The following SLC2A8 variants were observed in gnomAD, a reference collection of about 807,000 sequenced individuals.
SLC2A8 encodes the protein solute carrier family 2 member 8.
SLC2A8 carries 53 observed loss-of-function variants against 49.2 expected under a neutral mutation model. That is an observed-to-expected ratio of 1.08 (90% CI 0.86 to 1.35). The LOEUF (loss-of-function observed/expected upper bound fraction) is 1.35, where lower values mean the gene tolerates loss of function less well. Among genes scored for constraint, SLC2A8 ranks in the 40% most tolerant of loss-of-function variants. The probability of loss-of-function intolerance (pLI) is 0.00; values close to 1 mark genes in which losing one functional copy is unlikely to be tolerated. For missense variants in SLC2A8, 688 were observed against 671.7 expected, an observed-to-expected ratio of 1.02 and a Z score of -0.27; for synonymous variants, 299 against 297.0, an observed-to-expected ratio of 1.01 and a Z score of -0.07.
Position 127,402,666 on chromosome 9 carries a change from G to A in SLC2A8, c.636G>A (p.Gln212=). ...MPETPRFLLT[Q]HRRQEAMAAL... Reference sequence around the variant, plus strand: ...AGACCCCGCGCTTCCTGCTGACTCAGCACAGGCGCCAGGAGGCCATGGCCG... The same window carrying A: ...AGACCCCGCGCTTCCTGCTGACTCAACACAGGCGCCAGGAGGCCATGGCCG... Residue 212 remains glutamine (Q), a synonymous_variant, in exon 5 of 10, where the codon CAG becomes CAA. Coordinates refer to ENST00000373371, the MANE Select transcript of SLC2A8 (RefSeq NM_014580.5). The A allele has an allele frequency of 6.3e-7, 1 of 1,582,418 alleles. No individual in the cohort carries two copies. The highest frequency in any genetic ancestry group is 8.6e-7 in the Non-Finnish European group (1 of 1,165,732).
chr9:127,405,215 C>T (rs917747980), intron 8 of SLC2A8, among the ~76,000 whole-genome samples: 7 of 152,224 alleles, frequency 4.6e-5, no homozygotes, highest in Non-Finnish European at 1.0e-4. Flanking sequence ...CGTTGTGACC[C>T]CATCTCAGAG....
chr9:127,397,346 C>T, intron 1 of SLC2A8, 30 bp from the exon 2 acceptor site: 1 of 1,403,772 alleles, frequency 7.1e-7, no homozygotes, highest in Non-Finnish European at 9.2e-7. Flanking sequence ...TCCGCGTCCG[C>T]TCCGCTCACC....
rs767054400 is a variant in SLC2A8 at position 127,403,681 on chromosome 9, C to T, written c.745C>T (p.Arg249Trp). ...GCAGAGCTTTCACCTGGCCCTGCTG[C>T]GGCAGCCCGGCATCTACAAGCCCTT... ...AEQSFHLALL[R>W]QPGIYKPFII... The change falls in exon 6 of 10, where the codon CGG becomes TGG. Residue 249 changes from arginine to tryptophan, a missense_variant. Arg to Trp is a moderately radical substitution (Grantham distance 101). Coordinates refer to ENST00000373371, the MANE Select transcript of SLC2A8 (RefSeq NM_014580.5). 3.2e-5 allele frequency: 51 copies of T among 1,612,834 alleles called. No homozygotes were observed. Among genetic ancestry groups the T allele is most frequent in the Non-Finnish European group, 4.0e-5 (47 of 1,179,952 alleles).
At chr9:127,402,854 G>T (rs1244130493) in intron 5 of SLC2A8, 101 bp downstream of exon 5, 2 of 1,359,798 alleles carry the variant, frequency 1.5e-6, no homozygotes, top group South Asian at 3.1e-5. Context: ...TGGGGGACAG[G>T]GAGGTGCCTA....
chr9:127,405,081 A>G (rs964225366), intron 8 of SLC2A8, 90 bp downstream of exon 8: 2 of 1,374,586 alleles, frequency 1.5e-6, no homozygotes, highest in Non-Finnish European at 2.0e-6. Context: ...GGTCTTCCCC[A>G]GCCTCACCTC....
Position 127,399,984 on chromosome 9 carries a change from CA to C in SLC2A8, c.505del (p.Ile169SerfsTer42). The C allele has an allele frequency of 6.2e-7, 1 of 1,613,702 alleles. No individual in the cohort carries two copies. Among genetic ancestry groups the C allele is most frequent in the Non-Finnish European group, 8.5e-7 (1 of 1,179,734 alleles). Reference protein sequence around the residue: ...SCVQLMVVVGILLAYLAGWVL... With the variant: ...SCVQLMVVVGXLLAYLAGWVL... ...GTGTGCAGCTAATGGTCGTCGTCGG[CA>C]TCCTCCTGGCCTACCTGGCAGGTAT... On this transcript the variant is annotated frameshift_variant, in exon 4 of 10. Transcript: ENST00000373371. LOFTEE classifies it high-confidence loss of function. This position sits in a 1 kb window ranked among gnomAD's most constrained non-coding sequence, Gnocchi z 4.2.
Position 127,404,818 on chromosome 9 carries a change from G to A in SLC2A8, c.977G>A (p.Gly326Asp). 6.2e-7 allele frequency: 1 copy of A among 1,607,978 alleles called. No homozygotes were observed. The highest frequency in any genetic ancestry group is 8.5e-7 in the Non-Finnish European group (1 of 1,176,160). The change falls in exon 8 of 10, where the codon GGT (glycine) becomes GAT (aspartate). Residue 326 changes from glycine to aspartate, a missense_variant and splice_region_variant. Physicochemically the swap from Gly to Asp is moderately conservative, Grantham distance 94. Coordinates refer to ENST00000373371, the MANE Select transcript of SLC2A8 (RefSeq NM_014580.5). ...CCCACTGCCGCCCTCCCGCCTGCAG[G>A]TGTGGTCATGGTGTTCAGCACGAGT... ...AGRRLLLVLS[G>D]VVMVFSTSAF...
At chr9:127,406,183 C>A in intron 9 of SLC2A8, 1 of 443,142 alleles carries the variant, frequency 2.3e-6, no homozygotes, top group Non-Finnish European at 4.5e-6. Context: ...ATGTCCAGGC[C>A]CATTCAAGGC....
chr9:127,405,671 C>A, intron 9 of SLC2A8, 106 bp downstream of exon 9: 1 of 1,429,888 alleles, frequency 7.0e-7, no homozygotes, highest in Non-Finnish European at 9.5e-7. Context: ...TACATGCAGC[C>A]TGAGCCCCAC....
In SLC2A8 at chr9:127,397,906, C is replaced by T. The variant is rs1301926323; in HGVS notation, c.221C>T (p.Ala74Val). 2.6e-6 allele frequency: 4 copies of T among 1,518,568 alleles called. No individual in the cohort carries two copies. The highest frequency in any genetic ancestry group is 3.5e-6 in the Non-Finnish European group (4 of 1,139,874). 94.1% of individuals were successfully genotyped at this position (1,518,568 alleles called of 1,614,324 possible). Residue 74 changes from alanine to valine, a missense_variant and splice_region_variant, in exon 3 of 10, where the codon GCT (alanine) becomes GTT (valine). Ala to Val is a moderately conservative substitution (Grantham distance 64). Transcript: ENST00000373371. ...LDDAAASWFG[A>V]VVTLGAAAGG... ...TCCTCAGCAGCCGCCCGCCTCCAGGCTGTCGTGACCCTGGGTGCCGCGGCG... is the reference window on the plus strand; with the variant it reads ...TCCTCAGCAGCCGCCCGCCTCCAGGTTGTCGTGACCCTGGGTGCCGCGGCG...
chr9:127,405,107 C>T, intron 8 of SLC2A8, 116 bp downstream of exon 8: 1 of 1,177,444 alleles, frequency 8.5e-7, no homozygotes, highest in Non-Finnish European at 1.2e-6. Context: ...TCGTAAGTTC[C>T]AAGCTCTGCA....
intron 5 of SLC2A8, chr9:127,403,132 GC>G: frequency 3.9e-6 from 1 of 257,952 alleles, no homozygotes; most frequent in Non-Finnish European, 7.4e-6. Flanking sequence ...TGGGTTTGAA[GC>G]CCCCACGCTG....
In SLC2A8 at chr9:127,397,931, G is replaced by A. The variant is rs1268194381; in HGVS notation, c.246G>A (p.Ala82=). The change falls in exon 3 of 10, where the codon GCG becomes GCA. Residue 82 remains alanine (A), a synonymous_variant. Transcript: ENST00000373371. Reference sequence around the variant, plus strand: ...CTGTCGTGACCCTGGGTGCCGCGGCGGGGGGAGTGCTGGGCGGCTGGCTGG... The same window carrying A: ...CTGTCGTGACCCTGGGTGCCGCGGCAGGGGGAGTGCTGGGCGGCTGGCTGG... ...FGAVVTLGAA[A]GGVLGGWLVD... 2 of 1,530,244 alleles carry A rather than the reference G, an allele frequency of 1.3e-6. No individual in the cohort carries two copies. Among genetic ancestry groups the A allele is most frequent in the Non-Finnish European group, 1.7e-6 (2 of 1,144,842 alleles). The allele number at this position is 1,530,244 out of a possible 1,614,324, so 94.8% of individuals were successfully genotyped here.
Position 127,407,368 on chromosome 9 carries a change from C to A in SLC2A8, c.*119C>A. The A allele has an allele frequency of 7.7e-7, 1 of 1,301,166 alleles. No homozygotes were observed. The allele number at this position is 1,301,166 out of a possible 1,614,324, so 80.6% of individuals were successfully genotyped here. The stretch of plus-strand genomic sequence containing the variant: ...CCTTGGAGCCTTGGTCTGCAGGGTC[C>A]CTCCTTCCTGTCATGCTCCCTCCAG... On this transcript the variant is annotated 3_prime_UTR_variant, in exon 10 of 10. Coordinates refer to ENST00000373371, the MANE Select transcript of SLC2A8 (RefSeq NM_014580.5).
intron 4 of SLC2A8, among the ~76,000 whole-genome samples, chr9:127,401,131 G>A (rs1833271720): frequency 6.6e-6 from 1 of 152,298 alleles, no homozygotes; most frequent in African/African-American, 2.4e-5. Flanking sequence ...CTTCAAATCT[G>A]ACCATCCTGA....
chr9:127,397,495 C>A lies in SLC2A8; in HGVS notation c.176C>A (p.Pro59His). 6.9e-7 allele frequency: 1 copy of A among 1,452,784 alleles called. No individual in the cohort carries two copies. The allele number at this position is 1,452,784 out of a possible 1,614,324, so 90.0% of individuals were successfully genotyped here. A position where few individuals can be genotyped will look rare whatever the true frequency, so the allele number is the denominator to read the frequency against. The part of the protein sequence containing the change: ...PAIPSLQRAA[P>H]PAPRLDDAAA... ...ATCCCTAGCCTGCAGCGCGCCGCGCCCCCGGCCCCGCGCCTGGACGACGCC... is the reference window on the plus strand; with the variant it reads ...ATCCCTAGCCTGCAGCGCGCCGCGCACCCGGCCCCGCGCCTGGACGACGCC... The change falls in exon 2 of 10, where the codon CCC becomes CAC. Residue 59 changes from proline (P) to histidine (H), a missense_variant. By Grantham distance (77) the Pro-to-His change is moderately conservative. Coordinates refer to ENST00000373371, the MANE Select transcript of SLC2A8 (RefSeq NM_014580.5).
chr9:127,404,733 C>T, intron 7 of SLC2A8, 85 bp from the exon 8 acceptor site: 1 of 1,443,226 alleles, frequency 6.9e-7, no homozygotes, highest in Non-Finnish European at 9.4e-7. Context: ...GCCGGGCCTG[C>T]CCCTCTCAGA....
Position 127,407,433 on chromosome 9 carries a change from C to T in SLC2A8, c.*184C>T. 2.6e-6 allele frequency: 2 copies of T among 758,920 alleles called. No homozygotes were observed. The highest frequency in any genetic ancestry group is 4.7e-6 in the Non-Finnish European group (2 of 426,478). 47.0% of individuals were successfully genotyped at this position (758,920 alleles called of 1,614,324 possible). On this transcript the variant is annotated 3_prime_UTR_variant, in exon 10 of 10. Coordinates refer to ENST00000373371, the MANE Select transcript of SLC2A8 (RefSeq NM_014580.5). The stretch of plus-strand genomic sequence containing the variant: ...CTAGGAGGCTCACTGCCTCCTGTTC[C>T]AGCTCCTGCTGCTGCTCTGAGGACT...
rs1186860300 is a variant in SLC2A8, at chr9:127,406,960, C to T, written c.1297-152C>T. Reference sequence around the variant, plus strand: ...GGATGCCAGACTATCCTCCATGTCCCAGAGCTGGGTGGAGATAAAATGGGT... The same window carrying T: ...GGATGCCAGACTATCCTCCATGTCCTAGAGCTGGGTGGAGATAAAATGGGT... On this transcript the variant is annotated intron_variant, in intron 9 of 9. Coordinates refer to ENST00000373371, the MANE Select transcript of SLC2A8 (RefSeq NM_014580.5). 8.5e-6 allele frequency: 7 copies of T among 825,868 alleles called. No individual in the cohort carries two copies. In the East Asian group the frequency reaches 1.7e-4, roughly 20 times the overall value. 51.2% of individuals were successfully genotyped at this position (825,868 alleles called of 1,614,324 possible).
Sources: gnomAD v4.1 joint callset for allele counts (sites outside exome capture counted in the v4.1 genomes callset) on GRCh38, gnomAD v4.1.1 for gene constraint, Gnocchi (gnomAD v3.1) non-coding constraint, MANE v1.5 for transcripts, NCBI Gene and HGNC (gene_info 2026-07-23, HGNC 2026-07-21) for gene names.